TCAF1: variants seen among roughly 807,000 people sequenced by gnomAD.
TCAF1 encodes TRPM8 channel-associated factor 1.
In TCAF1, 4 loss-of-function variants were observed where a neutral mutation model predicts 27.3. The observed-to-expected ratio is 0.15, with a 90% confidence interval of 0.07 to 0.34. The LOEUF is 0.34. Among genes scored for constraint, TCAF1 ranks in the 10% least tolerant of loss-of-function variants. The pLI is 1.00. For missense variants in TCAF1, 257 were observed against 425.8 expected (o/e 0.60, Z 3.49); for synonymous variants, 105 against 167.1 (o/e 0.63, Z 2.87).
intron 1 of TCAF1, among the ~76,000 whole-genome samples, chr7:143,886,700 CTTTTTTTTTT>C (rs11398264): frequency 2.2e-5 from 2 of 89,164 alleles, no homozygotes; most frequent in African/African-American, 1.0e-4. Flanking sequence ...CAAATTTTAC[CTTTTTTTTTT>C]TTTTTTTTTT....
In TCAF1 at chr7:143,852,798, GATTGT is replaced by G. The variant is rs1424380110; in HGVS notation, c.*1330_*1334del. 6.7e-6 allele frequency: 1 copy of G among 150,050 alleles called. No homozygotes were observed. The allele number at this position is 150,050 out of a possible 1,614,324, so 9.3% of individuals were successfully genotyped here. A position where few individuals can be genotyped will look rare whatever the true frequency, so the allele number is the denominator to read the frequency against. ...TTTTACAATATTGTGTCTAGATGTA[GATTGT>G]ATTGGGCCCTCTCAATCTGGAGACT... On this transcript the variant is annotated 3_prime_UTR_variant, in exon 9 of 9. Transcript: ENST00000479870.
intron 1 of TCAF1, among the ~76,000 whole-genome samples, chr7:143,879,607 T>C (rs1157785057): frequency 6.6e-6 from 1 of 152,188 alleles, no homozygotes; most frequent in Non-Finnish European, 1.5e-5. Context: ...GTATCAAAGA[T>C]ATACGTACAG....
chr7:143,889,025 T>C (rs1252935705), intron 1 of TCAF1, among the ~76,000 whole-genome samples: 2 of 152,076 alleles, frequency 1.3e-5, no homozygotes, highest in African/African-American at 2.4e-5. Context: ...TAGTTCAAAA[T>C]AGAAATTTAT....
intron 6 of TCAF1, among the ~76,000 whole-genome samples, 181 bp downstream of exon 6, chr7:143,860,027 T>TATAA (rs1491476913): frequency 1.6e-4 from 4 of 24,356 alleles, no homozygotes; most frequent in African/African-American, 4.5e-4. Context: ...ATATTATATA[T>TATAA]TATATATATA....
chr7:143,899,015 C>A (rs1814007301), intron 1 of TCAF1, among the ~76,000 whole-genome samples: 1 of 152,152 alleles, frequency 6.6e-6, no homozygotes. Flanking sequence ...CAGATGCCAG[C>A]CACTCAATCT....
chr7:143,901,719 A>G (rs905849939), intron 1 of TCAF1, among the ~76,000 whole-genome samples: 5 of 152,194 alleles, frequency 3.3e-5, no homozygotes, highest in African/African-American at 1.2e-4. Context: ...CAAAAAACAA[A>G]TCCTACGAAA....
chr7:143,884,640 A>C (rs1813294064), intron 1 of TCAF1, among the ~76,000 whole-genome samples: 1 of 151,252 alleles, frequency 6.6e-6, no homozygotes, highest in African/African-American at 2.4e-5. Context: ...TTAATAATAA[A>C]GGACAAAATA....
At chr7:143,885,222 C>T (rs1435512509) in intron 1 of TCAF1, 1 of 985,456 alleles carries the variant, frequency 1.0e-6, no homozygotes, top group African/African-American at 1.7e-5. Flanking sequence ...TTTCGTCCAG[C>T]AATTTCCACA....
Position 143,876,522 on chromosome 7 carries a change from C to T in TCAF1, c.87G>A (p.Leu29=). 6.4e-7 allele frequency: 1 copy of T among 1,570,674 alleles called. No homozygotes were observed. Among genetic ancestry groups the T allele is most frequent in the East Asian group, 2.2e-5 (1 of 44,806 alleles). Reference sequence around the variant, plus strand: ...GAAATGAAGCCTCTCCAATAAGAAGCAGTTCACATGGAACAGCATCTTCGG... The same window carrying T: ...GAAATGAAGCCTCTCCAATAAGAAGTAGTTCACATGGAACAGCATCTTCGG... ...DVPEDAVPCE[L]LLIGEASFPV... is the part of the protein sequence containing the mutation. The change falls in exon 2 of 9, where the codon CTG becomes CTA. Residue 29 remains leucine (L), a synonymous_variant. Transcript: ENST00000479870.
chr7:143,897,486 C>T (rs1813937660), intron 1 of TCAF1, among the ~76,000 whole-genome samples: 1 of 151,958 alleles, frequency 6.6e-6, no homozygotes. Flanking sequence ...GACTTCCACT[C>T]ATTAGTAGGC....
Position 143,894,385 on chromosome 7 carries a change from T to G in TCAF1, c.-15+7576A>C, listed in dbSNP as rs916277943. Among the ~76,000 whole-genome samples, 4 of 151,850 alleles carry G rather than the reference T, an allele frequency of 2.6e-5. 1 individual carries two copies. Among genetic ancestry groups the G allele is most frequent in the Admixed American group, 2.6e-4 (4 of 15,246 alleles). On this transcript the variant is annotated intron_variant, in intron 1 of 8. Coordinates refer to ENST00000479870, the MANE Select transcript of TCAF1 (RefSeq NM_014719.3). ...TTTATTACACCCAGCATAACTTTGA[T>G]AGCAAAATCTCGTAAGTACATTATA...
intron 1 of TCAF1, among the ~76,000 whole-genome samples, chr7:143,896,365 G>A (rs570847063): frequency 5.1e-4 from 77 of 152,038 alleles, no homozygotes; most frequent in African/African-American, 1.8e-3. Context: ...ATACATTTAT[G>A]AGAAATTATC....
chr7:143,899,461 T>C (rs371691438), intron 1 of TCAF1, among the ~76,000 whole-genome samples: 6 of 152,358 alleles, frequency 3.9e-5, no homozygotes, highest in African/African-American at 1.2e-4. Context: ...AGATTATCCA[T>C]ATGGAATAAA....
At chr7:143,886,547 A>G (rs1035584217) in intron 1 of TCAF1, 1 of 984,820 alleles carries the variant, frequency 1.0e-6, no homozygotes, top group African/African-American at 1.7e-5. Flanking sequence ...GGATGGATGG[A>G]TGAAATGGGG....
At chr7:143,898,329 G>A (rs1813978738) in intron 1 of TCAF1, among the ~76,000 whole-genome samples, 1 of 152,002 alleles carries the variant, frequency 6.6e-6, no homozygotes, top group Non-Finnish European at 1.5e-5. Flanking sequence ...ACAGTGTACT[G>A]GAGCTCCTAG....
At chr7:143,866,224 TATC>T in intron 2 of TCAF1, among the ~76,000 whole-genome samples, 1 of 12,090 alleles carries the variant, frequency 8.3e-5, no homozygotes, top group Middle Eastern at 0.012. Context: ...AGGTATTGCA[TATC>T]ATCAGAAAGT....
At chr7:143,883,964 C>A (rs1425574153) in intron 1 of TCAF1, among the ~76,000 whole-genome samples, 1 of 152,182 alleles carries the variant, frequency 6.6e-6, no homozygotes, top group Non-Finnish European at 1.5e-5. Flanking sequence ...CCCAGAGCTA[C>A]ACTTTACCAA....
At chr7:143,894,404 C>T (rs1439522541) in intron 1 of TCAF1, among the ~76,000 whole-genome samples, 1 of 151,720 alleles carries the variant, frequency 6.6e-6, no homozygotes, top group East Asian at 1.9e-4. Flanking sequence ...CTCGTAAGTA[C>T]ATTATAAGAA....
intron 1 of TCAF1, chr7:143,886,603 AGCCT>A (rs1184060154): frequency 1.2e-6 from 1 of 865,086 alleles, no homozygotes; most frequent in African/African-American, 1.8e-5. Flanking sequence ...AACAAACAGC[AGCCT>A]AAAGCAGAAA....
Sources: gnomAD v4.1 joint callset for allele counts (sites outside exome capture counted in the v4.1 genomes callset) on GRCh38, gnomAD v4.1.1 for gene constraint, MANE v1.5 for transcripts, NCBI Gene and HGNC (gene_info 2026-07-23, HGNC 2026-07-21) for gene names.